VPS13C: variants seen among roughly 807,000 people sequenced by gnomAD.
VPS13C encodes the protein intermembrane lipid transfer protein VPS13C.
A neutral mutation model predicts 456.8 loss-of-function variants in VPS13C; 358 were observed. The observed-to-expected ratio is 0.78, with a 90% CI of 0.72 to 0.86. VPS13C has a LOEUF of 0.86. Among genes scored for constraint, VPS13C ranks in the 40% least tolerant of loss-of-function variants. The pLI, the probability that VPS13C is intolerant of heterozygous loss-of-function variation, is 0.00. For synonymous variants in VPS13C, 1,578 were observed against 1,486.7 expected, an observed-to-expected ratio of 1.06 and a Z score of -1.41; for missense variants, 4,818 against 4,385.4, an observed-to-expected ratio of 1.10 and a Z score of -2.79.
chr15:61,878,760 A>G lies in VPS13C; in HGVS notation c.10003-14T>C, dbSNP rs1273940655. The G allele has an allele frequency of 6.3e-7, 1 of 1,596,640 alleles. No homozygotes were observed. The highest frequency in any genetic ancestry group is 2.2e-5 in the East Asian group (1 of 44,528). ...ACTCAAATGCAACTAAAAGAAAAAT[A>G]ATGTTCAATAAATGAAAGCTAAAAG... is the stretch of plus-strand genomic sequence containing the variant. On this transcript the variant is annotated splice_polypyrimidine_tract_variant and intron_variant, in intron 73 of 84. Transcript: ENST00000644861.
intron 15 of VPS13C, among the ~76,000 whole-genome samples, chr15:62,005,677 A>C (rs2046809938): frequency 6.7e-6 from 1 of 149,568 alleles, no homozygotes; most frequent in Non-Finnish European, 1.5e-5. Flanking sequence ...TTCCATGTTT[A>C]GTGCTTATTT....
At chr15:62,045,897 T>A (rs2048384688) in intron 1 of VPS13C, among the ~76,000 whole-genome samples, 1 of 151,966 alleles carries the variant, frequency 6.6e-6, no homozygotes. Flanking sequence ...GAATATTGAG[T>A]TTTTTAAAAA....
chr15:61,881,382 T>G (rs1398151062), intron 71 of VPS13C, among the ~76,000 whole-genome samples, 181 bp downstream of exon 71: 1 of 152,174 alleles, frequency 6.6e-6, no homozygotes, highest in Admixed American at 6.6e-5. Flanking sequence ...CTTTAAAATA[T>G]GTAGAGACTA....
intron 48 of VPS13C, among the ~76,000 whole-genome samples, chr15:61,936,377 C>T (rs111282831): frequency 3.9e-5 from 6 of 152,170 alleles, no homozygotes; most frequent in Admixed American, 1.3e-4. Context: ...TTAGCATTCA[C>T]AAGTAAAGGG....
At chr15:61,990,734 C>A (rs1469209035) in intron 18 of VPS13C, among the ~76,000 whole-genome samples, 1 of 152,032 alleles carries the variant, frequency 6.6e-6, no homozygotes, top group South Asian at 2.1e-4. Context: ...TCACTTGAAC[C>A]CAGGAGGCAG....
In VPS13C at chr15:62,013,116, T is replaced by C. The variant is rs1434152359; in HGVS notation, c.748A>G (p.Ile250Val). The C allele has an allele frequency of 3.1e-6, 5 of 1,598,962 alleles. No homozygotes were observed. The Admixed American group carries it at 6.9e-5, about 22-fold the overall frequency. Residue 250 changes from isoleucine (I) to valine (V), a missense_variant, in exon 11 of 85, where the codon ATA (isoleucine) becomes GTA (valine). Around this residue, in one of 3 missense-constraint regions of VPS13C, gnomAD observed 4,552 missense variants for 4,130.6 expected, o/e 1.10. Coordinates refer to ENST00000644861, the MANE Select transcript of VPS13C (RefSeq NM_020821.3). Reference protein sequence around the residue: ...NEADKIIYKLIRLDSLSAYWN... With the variant: ...NEADKIIYKLVRLDSLSAYWN... ...TAGGCGCTAAGACTATCAAGTCGTA[T>C]AAGCTATAAGAGAAAAATGAAAGAG...
At chr15:61,953,222 T>C (rs2044865001) in intron 38 of VPS13C, among the ~76,000 whole-genome samples, 1 of 151,902 alleles carries the variant, frequency 6.6e-6, no homozygotes, top group Non-Finnish European at 1.5e-5. Flanking sequence ...AGACAATTTT[T>C]TTTAATTTAT....
rs35435766 is a variant in VPS13C, at chr15:61,984,980, G to T, written c.1598C>A (p.Thr533Asn). ...AACAGAGGTGCTTACTAACTTCAGGGTCATAATATGGGCAACATACTATAC... is the reference window on the plus strand; with the variant it reads ...AACAGAGGTGCTTACTAACTTCAGGTTCATAATATGGGCAACATACTATAC... ...LPKQYVAHIM[T>N]LKLVSTSVTI... is the part of the protein sequence containing the mutation. The change falls in exon 19 of 85, where the codon ACC (threonine) becomes AAC (asparagine). Residue 533 changes from threonine to asparagine, a missense_variant. Thr to Asn is a moderately conservative substitution (Grantham distance 65). Transcript: ENST00000644861. The T allele has an allele frequency of 2.7e-4, 427 of 1,584,804 alleles. 1 individual carries two copies. The African/African-American group carries it at 5.5e-3, about 20-fold the overall frequency.
In VPS13C at chr15:61,937,718, A is replaced by C. The variant is rs544908712; in HGVS notation, c.5602-968T>G. On this transcript the variant is annotated intron_variant, in intron 47 of 84. Transcript: ENST00000644861. ...CTCGATCTCCTGACCTCGTGATCCA[A>C]CCGCCTCGGCCTCCCAAAGTGCTGG... 5.9e-5 allele frequency among the ~76,000 whole-genome samples: 9 copies of C among 152,222 alleles called. 1 individual carries two copies. The East Asian group carries it at 9.7e-4, about 16-fold the overall frequency.
rs769160865 is a variant in VPS13C at position 61,922,551 on chromosome 15, T to C, written c.6821A>G (p.Glu2274Gly). 2.4e-5 allele frequency: 39 copies of C among 1,614,028 alleles called. No homozygotes were observed. The highest frequency in any genetic ancestry group is 3.3e-5 in the Non-Finnish European group (39 of 1,179,986). ...FKGIEHSLIE[E>G]NCGVVVESIQ... ...GGATTCTACAACAACACCACAATTT[T>C]CCTCTATCAGTGAATGTTCAATGCC... The change falls in exon 54 of 85, where the codon GAA becomes GGA. Residue 2274 changes from glutamate to glycine, a missense_variant. By Grantham distance (98) the Glu-to-Gly change is moderately conservative. Coordinates refer to ENST00000644861, the MANE Select transcript of VPS13C (RefSeq NM_020821.3).
In VPS13C at chr15:61,925,444, G is replaced by T. The variant is rs374279148; in HGVS notation, c.6609+12C>A. 3 of 1,466,326 alleles carry T rather than the reference G, an allele frequency of 2.0e-6. No individual in the cohort carries two copies. The highest frequency in any genetic ancestry group is 2.8e-6 in the Non-Finnish European group (3 of 1,082,352). The allele number at this position is 1,466,326 out of a possible 1,614,324, so 90.8% of individuals were successfully genotyped here. A position where few individuals can be genotyped will look rare whatever the true frequency, so the allele number is the denominator to read the frequency against. On this transcript the variant is annotated intron_variant, in intron 53 of 84. Transcript: ENST00000644861. ...TAAGAATTTTCACTCAAAGAATATG[G>T]TAAGTACTAACCTTAATTATAAATT...
chr15:61,872,078 G>GT, intron 78 of VPS13C, 44 bp from the exon 79 acceptor site: 1 of 1,576,572 alleles, frequency 6.3e-7, no homozygotes, highest in Middle Eastern at 1.7e-4. Context: ...AATGGAAGGT[G>GT]TTTAATTTTA....
chr15:61,934,917 A>AT (rs1180780006), intron 48 of VPS13C, among the ~76,000 whole-genome samples: 1 of 151,608 alleles, frequency 6.6e-6, no homozygotes, highest in Non-Finnish European at 1.5e-5. Flanking sequence ...CTCCCGGCTA[A>AT]TTTTTTTGTA....
intron 2 of VPS13C, among the ~76,000 whole-genome samples, chr15:62,041,928 G>A (rs963728478): frequency 6.6e-6 from 1 of 151,990 alleles, no homozygotes; most frequent in African/African-American, 2.4e-5. Flanking sequence ...CAGGTAAACT[G>A]GTTACTTGTT....
In VPS13C at chr15:61,994,497, G is replaced by T. The variant is rs756216999; in HGVS notation, c.1354-2695C>A. ...ATGTTTGAGAAAATGCAGAGATAAG[G>T]CTATTCATTGTAGAGTCACTTACAA... On this transcript the variant is annotated intron_variant, in intron 16 of 84. Transcript: ENST00000644861. 3.2e-4 allele frequency among the ~76,000 whole-genome samples: 49 copies of T among 152,182 alleles called. No homozygotes were observed. The Middle Eastern group carries it at 0.01, about 32-fold the overall frequency.
At chr15:61,970,308 G>A (rs149688006) in intron 27 of VPS13C, among the ~76,000 whole-genome samples, 1,558 of 152,198 alleles carry the variant, frequency 0.01, 34 homozygotes, top group African/African-American at 0.036. Flanking sequence ...GAAAGACTAT[G>A]CACAAAATTA....
intron 79 of VPS13C, among the ~76,000 whole-genome samples, chr15:61,871,035 TTTTC>T (rs1408231959): frequency 1.3e-5 from 2 of 152,174 alleles, no homozygotes; most frequent in African/African-American, 4.8e-5. Flanking sequence ...TTTGCAAAAA[TTTTC>T]TTCCATTCTG....
intron 66 of VPS13C, among the ~76,000 whole-genome samples, chr15:61,891,031 G>A (rs555544830): frequency 4.1e-4 from 62 of 152,160 alleles, no homozygotes; most frequent in African/African-American, 1.3e-3. Context: ...TAGGCAACAA[G>A]AGCAACACTC....
chr15:61,934,098 A>G, intron 49 of VPS13C, 121 bp downstream of exon 49: 1 of 525,950 alleles, frequency 1.9e-6, no homozygotes, highest in Non-Finnish European at 3.2e-6. Flanking sequence ...TAGGCCAAAT[A>G]GAATTTTATA....
Sources: allele counts gnomAD v4.1 joint callset (sites outside exome capture counted in the v4.1 genomes callset), GRCh38; gene constraint gnomAD v4.1.1; regional missense constraint gnomAD v4.1.1; transcripts MANE v1.5; gene names NCBI Gene and HGNC (gene_info 2026-07-23, HGNC 2026-07-21).